The following MAP2 variants were observed in gnomAD, a reference collection of about 807,000 sequenced individuals.
MAP2 encodes the protein microtubule-associated protein 2.
MAP2 carries 14 observed loss-of-function variants against 137.6 expected under a neutral mutation model. The ratio of observed to expected loss-of-function variants is 0.10; its 90% CI spans 0.07 to 0.16. MAP2 has a LOEUF of 0.16. Ranked by LOEUF, MAP2 falls within the 10% of genes least tolerant of loss-of-function variation. MAP2 has a pLI of 1.00. For missense variants in MAP2, 2,088 were observed against 2,191.5 expected, an observed-to-expected ratio of 0.95 and a Z score of 0.94; for synonymous variants, 786 against 782.3, an observed-to-expected ratio of 1.00 and a Z score of -0.08.
At chr2:209,569,775 T>A (rs971540056) in intron 2 of MAP2, among the ~76,000 whole-genome samples, 1 of 151,900 alleles carries the variant, frequency 6.6e-6, no homozygotes, top group Non-Finnish European at 1.5e-5. Flanking sequence ...TTCACCATGA[T>A]GTTTGATGAT....
At chr2:209,575,518 CA>C (rs71043942) in intron 2 of MAP2, among the ~76,000 whole-genome samples, 3,742 of 28,110 alleles carry the variant, frequency 0.13, 27 homozygotes, top group South Asian at 0.26. Context: ...GACTCCATCT[CA>C]AAAAAAAAAA....
chr2:209,481,054 A>G (rs1404817257), intron 1 of MAP2, among the ~76,000 whole-genome samples: 1 of 152,204 alleles, frequency 6.6e-6, no homozygotes, highest in African/African-American at 2.4e-5. Context: ...AAAAGAGACC[A>G]TCTCCTGTAC....
At chr2:209,546,099 C>T (rs1047486957) in intron 2 of MAP2, among the ~76,000 whole-genome samples, 3 of 152,054 alleles carry the variant, frequency 2.0e-5, no homozygotes, top group Admixed American at 2.0e-4. Context: ...GCCGAGATCG[C>T]GCCACTGCAC....
At chr2:209,566,937 G>A (rs2073550478) in intron 2 of MAP2, among the ~76,000 whole-genome samples, 1 of 152,060 alleles carries the variant, frequency 6.6e-6, no homozygotes, top group Non-Finnish European at 1.5e-5. Context: ...AAAATTAGAA[G>A]CATCCCCGTG....
At chr2:209,589,977 A>G (rs542737307) in intron 3 of MAP2, among the ~76,000 whole-genome samples, 78 of 152,306 alleles carry the variant, frequency 5.1e-4, no homozygotes, top group African/African-American at 1.7e-3. Flanking sequence ...AAGAACATAT[A>G]TAAAGAAAAT....
chr2:209,617,745 C>T (rs1048563106), intron 3 of MAP2, among the ~76,000 whole-genome samples: 14 of 151,748 alleles, frequency 9.2e-5, no homozygotes, highest in African/African-American at 3.1e-4. Context: ...AATGTAATCA[C>T]GTTAGCAGTA....
At chr2:209,704,228 G>A (rs540344364) in intron 11 of MAP2, among the ~76,000 whole-genome samples, 24 of 152,110 alleles carry the variant, frequency 1.6e-4, no homozygotes, top group African/African-American at 5.8e-4. Flanking sequence ...GGTTTTCTTA[G>A]ACATTTTTCT....
intron 5 of MAP2, among the ~76,000 whole-genome samples, chr2:209,676,416 C>T (rs1198127588): frequency 6.6e-6 from 1 of 151,582 alleles, no homozygotes; most frequent in Non-Finnish European, 1.5e-5. Flanking sequence ...GGGAGAGGAT[C>T]AGGAAAAATA....
chr2:209,611,805 A>G (rs983249777), intron 3 of MAP2, among the ~76,000 whole-genome samples: 1 of 152,154 alleles, frequency 6.6e-6, no homozygotes, highest in African/African-American at 2.4e-5. Context: ...TTCTAAAAGA[A>G]GCTCTCAGAG....
intron 2 of MAP2, among the ~76,000 whole-genome samples, chr2:209,513,562 ATGTG>A (rs3058731): frequency 0.53 from 80,200 of 151,496 alleles, 22,274 homozygotes; most frequent in Middle Eastern, 0.63. Flanking sequence ...ATGTGCGTAT[ATGTG>A]TGTATGTTTT....
intron 5 of MAP2, among the ~76,000 whole-genome samples, chr2:209,668,137 A>G (rs995017550): frequency 6.6e-6 from 1 of 152,058 alleles, no homozygotes; most frequent in African/African-American, 2.4e-5. Flanking sequence ...ATGCTTCTAG[A>G]TATCATTTCT....
At chr2:209,598,846 A>G (rs1359697015) in intron 3 of MAP2, among the ~76,000 whole-genome samples, 13 of 150,516 alleles carry the variant, frequency 8.6e-5, no homozygotes, top group Non-Finnish European at 1.0e-4. Context: ...CCAGTCTATC[A>G]TTGGTGGACA....
chr2:209,425,761 A>T (rs1191423431), intron 1 of MAP2, among the ~76,000 whole-genome samples: 1 of 152,218 alleles, frequency 6.6e-6, no homozygotes, highest in Admixed American at 6.5e-5. Context: ...ATGTCATTTC[A>T]CTGTGGACAA....
At chr2:209,542,074 A>G (rs1481602294) in intron 2 of MAP2, among the ~76,000 whole-genome samples, 1 of 152,218 alleles carries the variant, frequency 6.6e-6, no homozygotes, top group Non-Finnish European at 1.5e-5. Context: ...TTCTTAAATA[A>G]GACGTGAAAG....
At chr2:209,639,911 C>T (rs889358072) in intron 4 of MAP2, among the ~76,000 whole-genome samples, 1 of 152,002 alleles carries the variant, frequency 6.6e-6, no homozygotes, top group Non-Finnish European at 1.5e-5. Context: ...GTGAGGGAGA[C>T]ATAGAGTAGA....
At chr2:209,519,351 T>G (rs577706149) in intron 2 of MAP2, among the ~76,000 whole-genome samples, 1 of 152,204 alleles carries the variant, frequency 6.6e-6, no homozygotes, top group South Asian at 2.1e-4. Context: ...GGTGATCATC[T>G]GTGTTAGCTA....
intron 14 of MAP2, among the ~76,000 whole-genome samples, chr2:209,729,042 A>G (rs2075153937): frequency 6.6e-6 from 1 of 152,204 alleles, no homozygotes; most frequent in African/African-American, 2.4e-5. Context: ...GTGTAGAAGA[A>G]CTTTCCATAT....
At chr2:209,628,344 T>C (rs1177685798) in intron 4 of MAP2, among the ~76,000 whole-genome samples, 1 of 152,138 alleles carries the variant, frequency 6.6e-6, no homozygotes, top group Non-Finnish European at 1.5e-5. Flanking sequence ...ACCTTAAATA[T>C]TACAGTGCAG....
intron 2 of MAP2, among the ~76,000 whole-genome samples, chr2:209,509,593 T>A (rs1269593082): frequency 2.0e-5 from 3 of 152,074 alleles, no homozygotes; most frequent in African/African-American, 4.8e-5. Context: ...GTAAGTCTCT[T>A]AAAACTATAT....
Sources: allele counts gnomAD v4.1 joint callset (sites outside exome capture counted in the v4.1 genomes callset), GRCh38; gene constraint gnomAD v4.1.1; transcripts MANE v1.5; gene names NCBI Gene and HGNC (gene_info 2026-07-23, HGNC 2026-07-21).